FRMD3: variants seen among roughly 807,000 people sequenced by gnomAD.
FRMD3 encodes FERM domain-containing protein 3.
A neutral mutation model predicts 70.2 loss-of-function variants in FRMD3; 33 were observed. The ratio of observed to expected loss-of-function variants is 0.47; its 90% CI spans 0.36 to 0.63. The LOEUF is 0.63. Ranked by LOEUF, FRMD3 falls within the 20% of genes least tolerant of loss-of-function variation. FRMD3 has a pLI of 0.00. For synonymous variants in FRMD3, 279 were observed against 255.9 expected (o/e 1.09, Z -0.86); for missense variants, 632 against 711.4 (o/e 0.89, Z 1.27).
intron 1 of FRMD3, among the ~76,000 whole-genome samples, chr9:83,480,108 ATTG>A (rs1456058981): frequency 6.6e-6 from 1 of 152,238 alleles, no homozygotes; most frequent in Non-Finnish European, 1.5e-5. Context: ...ATAAGAAATT[ATTG>A]TTGAAATACA....
chr9:83,482,416 A>G (rs1037107801), intron 1 of FRMD3, among the ~76,000 whole-genome samples: 6 of 152,192 alleles, frequency 3.9e-5, no homozygotes, highest in Non-Finnish European at 8.8e-5. Flanking sequence ...GGCTGTTAGG[A>G]TATTCCAAGA....
At chr9:83,255,439 A>G (rs1483542109) in intron 13 of FRMD3, among the ~76,000 whole-genome samples, 1 of 152,130 alleles carries the variant, frequency 6.6e-6, no homozygotes, top group Non-Finnish European at 1.5e-5. Context: ...AAATAGGCAA[A>G]AGCTGGAAGC....
At chr9:83,363,170 T>C (rs1000691431) in intron 3 of FRMD3, among the ~76,000 whole-genome samples, 1 of 152,210 alleles carries the variant, frequency 6.6e-6, no homozygotes, top group African/African-American at 2.4e-5. Context: ...CTCATGTCCC[T>C]ATATTATGCT....
rs1232272115 is a variant in FRMD3 at position 83,349,764 on chromosome 9, C to T, written c.296-7G>A. 1.2e-6 allele frequency: 2 copies of T among 1,603,758 alleles called. No individual in the cohort carries two copies. Among genetic ancestry groups the T allele is most frequent in the African/African-American group, 1.3e-5 (1 of 74,828 alleles). On this transcript the variant is annotated splice_region_variant and splice_polypyrimidine_tract_variant and intron_variant, in intron 3 of 13. Coordinates refer to ENST00000304195, the MANE Select transcript of FRMD3 (RefSeq NM_174938.6). ...ATGGTGTATGGTGGATGAGCTGAAA[C>T]ATCATAAAGAAAAGGCATGAGAAAA...
At chr9:83,487,758 G>A (rs535182467) in intron 1 of FRMD3, among the ~76,000 whole-genome samples, 107 of 152,304 alleles carry the variant, frequency 7.0e-4, no homozygotes, top group African/African-American at 2.4e-3. Context: ...AGAGGCTTAG[G>A]AAAATTTGAG....
At chr9:83,477,862 G>T (rs1278098244) in intron 1 of FRMD3, among the ~76,000 whole-genome samples, 1 of 152,110 alleles carries the variant, frequency 6.6e-6, no homozygotes, top group Non-Finnish European at 1.5e-5. Flanking sequence ...GACCTTGCTT[G>T]GACCTTTCCT....
chr9:83,490,330 C>T (rs1338254261), intron 1 of FRMD3, among the ~76,000 whole-genome samples: 5 of 147,602 alleles, frequency 3.4e-5, no homozygotes, highest in African/African-American at 1.3e-4. Flanking sequence ...TGCTTTATTA[C>T]CCAGGGTGGA....
At chr9:83,373,123 C>T (rs948988814) in intron 2 of FRMD3, among the ~76,000 whole-genome samples, 168 bp from the exon 3 acceptor site, 1 of 152,070 alleles carries the variant, frequency 6.6e-6, no homozygotes, top group Admixed American at 6.5e-5. Flanking sequence ...ATAATCATAG[C>T]GCAGACAAGG....
At chr9:83,414,414 T>C (rs7039438) in intron 1 of FRMD3, among the ~76,000 whole-genome samples, 22,187 of 151,916 alleles carry the variant, frequency 0.15, 1,677 homozygotes, top group Non-Finnish European at 0.16. Flanking sequence ...TCATCATGAG[T>C]TTGGAGTAGA....
chr9:83,468,449 G>C (rs1828187281), intron 1 of FRMD3, among the ~76,000 whole-genome samples: 1 of 152,204 alleles, frequency 6.6e-6, no homozygotes, highest in African/African-American at 2.4e-5. Context: ...AATGATTCTG[G>C]AAGCACATGA....
chr9:83,572,107 G>C, the FRMD3 span, among the ~76,000 whole-genome samples: 1 of 152,156 alleles, frequency 6.6e-6, no homozygotes, highest in East Asian at 1.9e-4. Context: ...TGACAAGGAA[G>C]ACAAGAAATG....
intron 1 of FRMD3, among the ~76,000 whole-genome samples, chr9:83,426,259 A>G (rs1054019356): frequency 6.6e-6 from 1 of 152,250 alleles, no homozygotes; most frequent in Non-Finnish European, 1.5e-5. Context: ...ATTGTCCTCA[A>G]TAGGGAAACA....
chr9:83,292,435 C>T (rs890570767), intron 12 of FRMD3, among the ~76,000 whole-genome samples: 1 of 152,136 alleles, frequency 6.6e-6, no homozygotes, highest in Non-Finnish European at 1.5e-5. Context: ...GCTGGGATTA[C>T]AGGCTTGAGC....
chr9:83,473,957 T>C (rs1828332798), intron 1 of FRMD3, among the ~76,000 whole-genome samples: 2 of 152,328 alleles, frequency 1.3e-5, no homozygotes, highest in Non-Finnish European at 2.9e-5. Context: ...CTTCTGGCTC[T>C]AAATTTTCTT....
intron 13 of FRMD3, chr9:83,275,983 G>GAT (rs1833782283): frequency 6.6e-6 from 1 of 152,230 alleles, no homozygotes; most frequent in Non-Finnish European, 1.5e-5. Flanking sequence ...AGGTTCATCC[G>GAT]AGGCACAATT....
chr9:83,530,869 T>C (rs1829779067), intron 1 of FRMD3, among the ~76,000 whole-genome samples: 2 of 152,100 alleles, frequency 1.3e-5, no homozygotes, highest in Non-Finnish European at 2.9e-5. Flanking sequence ...TTTTAGGTAT[T>C]TGCTCTTCCC....
chr9:83,502,793 G>A (rs1333241966), intron 1 of FRMD3, among the ~76,000 whole-genome samples: 1 of 152,116 alleles, frequency 6.6e-6, no homozygotes, highest in African/African-American at 2.4e-5. Flanking sequence ...TGATATAAAA[G>A]GCCATCATTT....
chr9:83,260,207 C>T (rs7027526), intron 13 of FRMD3, among the ~76,000 whole-genome samples: 5,048 of 152,206 alleles, frequency 0.033, 175 homozygotes, highest in African/African-American at 0.092. Flanking sequence ...AATGTCTACT[C>T]GGCTGGATAC....
intron 13 of FRMD3, among the ~76,000 whole-genome samples, chr9:83,277,433 T>C (rs1018922879): frequency 3.9e-5 from 6 of 152,210 alleles, no homozygotes; most frequent in Non-Finnish European, 7.3e-5. Flanking sequence ...GGTATGATCA[T>C]GGCTTACTGT....
Sources: gnomAD v4.1 joint callset for allele counts (sites outside exome capture counted in the v4.1 genomes callset) on GRCh38, gnomAD v4.1.1 for gene constraint, MANE v1.5 for transcripts, NCBI Gene and HGNC (gene_info 2026-07-23, HGNC 2026-07-21) for gene names.